SYNJ1: variants seen among roughly 807,000 people sequenced by gnomAD.
The protein encoded by SYNJ1 is synaptojanin 1.
Under a neutral mutation model 168.2 loss-of-function variants are expected in SYNJ1, and 78 were observed. The observed-to-expected ratio is 0.46, with a 90% confidence interval of 0.39 to 0.56. The LOEUF (loss-of-function observed/expected upper bound fraction) is 0.56. SYNJ1 is among the 20% of genes least tolerant of loss of function. SYNJ1 has a pLI of 0.00. For missense variants in SYNJ1, 1,303 were observed against 1,597.6 expected (o/e 0.82, Z 3.14); for synonymous variants, 539 against 548.6 (o/e 0.98, Z 0.24).
Position 32,630,035 on chromosome 21 carries a change from G to A in SYNJ1, c.*1770C>T, listed in dbSNP as rs1458426040. 1 of 152,204 alleles carries A rather than the reference G, an allele frequency of 6.6e-6. No individual in the cohort carries two copies. Among genetic ancestry groups the A allele is most frequent in the Non-Finnish European group, 1.5e-5 (1 of 68,040 alleles). The allele number at this position is 152,204 out of a possible 1,614,324, so 9.4% of individuals were successfully genotyped here. ...CAAAAAGAAAATATGGGAGGGATAT[G>A]GGCAACGTATACTCGAACGTACGCA... On this transcript the variant is annotated 3_prime_UTR_variant, in exon 33 of 33. Coordinates refer to ENST00000674351, the MANE Select transcript of SYNJ1 (RefSeq NM_203446.3).
rs755252765 is a variant in SYNJ1 at position 32,727,813 on chromosome 21, C to T, written c.-23+133G>A. The T allele has an allele frequency of 1.8e-3, 2,667 of 1,456,714 alleles. 5 individuals are homozygous for T. The highest frequency in any genetic ancestry group is 3.4e-3 in the Admixed American group (144 of 42,310). 90.2% of individuals were successfully genotyped at this position (1,456,714 alleles called of 1,614,324 possible). On this transcript the variant is annotated intron_variant, in intron 1 of 32. Coordinates refer to ENST00000674351, the MANE Select transcript of SYNJ1 (RefSeq NM_203446.3). ...CAACCCCGCCCGTCCTCCCGCACCCCGGCTGCTCGCGGTCGCCCCTCACCG... is the reference window on the plus strand; with the variant it reads ...CAACCCCGCCCGTCCTCCCGCACCCTGGCTGCTCGCGGTCGCCCCTCACCG...
intron 9 of SYNJ1, 30 bp from the exon 10 acceptor site, chr21:32,684,149 T>C (rs1312002498): frequency 4.4e-6 from 7 of 1,603,240 alleles, no homozygotes; most frequent in Non-Finnish European, 6.0e-6. Context: ...ATATCCAGTT[T>C]GGAACAAAAA....
intron 3 of SYNJ1, among the ~76,000 whole-genome samples, chr21:32,700,831 T>C (rs907133565): frequency 2.0e-5 from 3 of 152,268 alleles, no homozygotes; most frequent in Non-Finnish European, 4.4e-5. Flanking sequence ...GGTATACTAT[T>C]ATCAGCTGAT....
chr21:32,683,893 CA>C, intron 10 of SYNJ1, 144 bp downstream of exon 10: 11 of 652,864 alleles, frequency 1.7e-5, no homozygotes, highest in Non-Finnish European at 1.7e-5. Flanking sequence ...AAAGTTTGGC[CA>C]AAAAAAGAGA....
At chr21:32,701,544 C>CAAAAAAAAAA (rs113945632) in intron 3 of SYNJ1, among the ~76,000 whole-genome samples, 1 of 105,132 alleles carries the variant, frequency 9.5e-6, no homozygotes. Context: ...CATTACGTGG[C>CAAAAAAAAAA]AAAAAAAAAA....
chr21:32,692,768 C>G (rs1028955955), intron 6 of SYNJ1, among the ~76,000 whole-genome samples: 2 of 152,148 alleles, frequency 1.3e-5, no homozygotes, highest in African/African-American at 4.8e-5. Context: ...TAAAATAACA[C>G]AGGCCAAGTA....
In SYNJ1 at chr21:32,695,170, G is replaced by A; in HGVS notation, c.592C>T (p.Gln198Ter). Residue 198 changes from glutamine to a stop codon, truncating the protein, a stop_gained, in exon 5 of 33, where the codon CAG becomes TAG. Coordinates refer to ENST00000674351, the MANE Select transcript of SYNJ1 (RefSeq NM_203446.3). LOFTEE classifies it high-confidence loss of function. Reference protein sequence around the residue: ...EIRTIYAAHKQAKACLISRLS... With the variant: ...EIRTIYAAHK ...CTTGAAATGAGGCAAGCCTTCGCCT[G>A]TTTATGAGCAGCATAAATTGTTCTG... 6.2e-7 allele frequency: 1 copy of A among 1,614,134 alleles called. No individual in the cohort carries two copies. Among genetic ancestry groups the A allele is most frequent in the Non-Finnish European group, 8.5e-7 (1 of 1,180,018 alleles).
intron 2 of SYNJ1, among the ~76,000 whole-genome samples, chr21:32,722,199 AAAAAAAATAT>A (rs1375812245): frequency 3.5e-5 from 4 of 114,278 alleles, no homozygotes; most frequent in South Asian, 2.6e-4. Context: ...GAAAAAAAAA[AAAAAAAATAT>A]ATATATATAT....
intron 2 of SYNJ1, among the ~76,000 whole-genome samples, chr21:32,712,660 T>C (rs2042870066): frequency 1.3e-5 from 2 of 152,294 alleles, no homozygotes; most frequent in South Asian, 2.1e-4. Context: ...GACACCTTCT[T>C]AGGAATCAGA....
At chr21:32,721,417 G>A (rs1209430363) in intron 2 of SYNJ1, among the ~76,000 whole-genome samples, 3 of 152,158 alleles carry the variant, frequency 2.0e-5, no homozygotes, top group Non-Finnish European at 2.9e-5. Context: ...GGTGGCTCAC[G>A]CCTATAATCT....
chr21:32,639,018 C>A lies in SYNJ1; in HGVS notation c.3805G>T (p.Ala1269Ser), dbSNP rs1402023174. ...RLQEPLVPVAAPMPQSGPQPN... is the reference protein window; with the variant it reads ...RLQEPLVPVASPMPQSGPQPN... ...TGGGGGCCAGACTGAGGCATAGGTG[C>A]TGCCACAGGGACAAGAGGCTCTTGC... is the stretch of plus-strand genomic sequence containing the variant. The change falls in exon 31 of 33, where the codon GCA (alanine) becomes TCA (serine). Residue 1269 changes from alanine (A) to serine (S), a missense_variant. Ala to Ser is a moderately conservative substitution (Grantham distance 99, BLOSUM62 1). Coordinates refer to ENST00000674351, the MANE Select transcript of SYNJ1 (RefSeq NM_203446.3). 6.2e-7 allele frequency: 1 copy of A among 1,613,944 alleles called. No homozygotes were observed. Among genetic ancestry groups the A allele is most frequent in the African/African-American group, 1.3e-5 (1 of 74,906 alleles).
In SYNJ1 at chr21:32,666,445, G is replaced by A; in HGVS notation, c.1940C>T (p.Ala647Val). 1 of 1,613,820 alleles carries A rather than the reference G, an allele frequency of 6.2e-7. No homozygotes were observed. The highest frequency in any genetic ancestry group is 1.3e-5 in the African/African-American group (1 of 75,014). The change falls in exon 16 of 33, where the codon GCT becomes GTT. Residue 647 changes from alanine to valine, a missense_variant. This residue lies in a region of SYNJ1 where 920 missense variants were observed against 1,208.8 expected (regional missense o/e 0.76). Transcript: ENST00000674351. Reference sequence around the variant, plus strand: ...TCTGTTTACTGACCTGATAAAAGGAGCATGCTGTGGTCTGATAAAAACAAA... The same window carrying A: ...TCTGTTTACTGACCTGATAAAAGGAACATGCTGTGGTCTGATAAAAACAAA... ...CLFVFIRPQHAPFIRDVAVDT... is the reference protein window; with the variant it reads ...CLFVFIRPQHVPFIRDVAVDT...
intron 12 of SYNJ1, among the ~76,000 whole-genome samples, chr21:32,677,288 C>G (rs1425690395): frequency 5.3e-5 from 8 of 152,094 alleles, no homozygotes. Context: ...GTGTTGCTTC[C>G]CAGCAAAATC....
chr21:32,702,290 T>C (rs2042434333), intron 2 of SYNJ1, among the ~76,000 whole-genome samples: 1 of 152,236 alleles, frequency 6.6e-6, no homozygotes, highest in African/African-American at 2.4e-5. Context: ...CTTACCCTTT[T>C]ATTCTTGACA....
intron 13 of SYNJ1, among the ~76,000 whole-genome samples, chr21:32,675,546 A>G (rs2041374478): frequency 6.6e-6 from 1 of 152,180 alleles, no homozygotes; most frequent in South Asian, 2.1e-4. Context: ...TCTCGAGAAA[A>G]TAATCAACAG....
At chr21:32,711,152 T>C (rs758280024) in intron 2 of SYNJ1, among the ~76,000 whole-genome samples, 24 of 152,148 alleles carry the variant, frequency 1.6e-4, no homozygotes, top group Non-Finnish European at 2.8e-4. Flanking sequence ...AACCTACAAC[T>C]TTTCCTCGTT....
chr21:32,696,429 T>G (rs1226952298), intron 4 of SYNJ1, among the ~76,000 whole-genome samples: 1 of 152,210 alleles, frequency 6.6e-6, no homozygotes, highest in African/African-American at 2.4e-5. Context: ...GACTGAACTT[T>G]GCTGGGTTGG....
Position 32,641,895 on chromosome 21 carries a change from C to T in SYNJ1, c.3588+1G>A, listed in dbSNP as rs765344810. ...TTGGCCCCAGGCGAGGTTTTACCTA[C>T]CGGTCTGGCTGTACTGTATCCAGCA... On this transcript the variant is annotated splice_donor_variant, in intron 29 of 32. Transcript: ENST00000674351. LOFTEE classifies it high-confidence loss of function. 1.2e-6 allele frequency: 2 copies of T among 1,608,758 alleles called. No homozygotes were observed. Among genetic ancestry groups the T allele is most frequent in the Non-Finnish European group, 1.7e-6 (2 of 1,177,324 alleles).
intron 32 of SYNJ1, among the ~76,000 whole-genome samples, chr21:32,633,011 C>T (rs563159598): frequency 6.6e-6 from 1 of 152,166 alleles, no homozygotes; most frequent in South Asian, 2.1e-4. Flanking sequence ...GAGCAAAACT[C>T]CGCCTCAAAA....
Sources: allele counts gnomAD v4.1 joint callset (sites outside exome capture counted in the v4.1 genomes callset), GRCh38; gene constraint gnomAD v4.1.1; regional missense constraint gnomAD v4.1.1; transcripts MANE v1.5; gene names NCBI Gene and HGNC (gene_info 2026-07-23, HGNC 2026-07-21).